The following MICALL1 variants were observed in gnomAD, a reference collection of about 807,000 sequenced individuals.
The protein encoded by MICALL1 is MICAL-like protein 1.
Under a neutral mutation model 83.7 loss-of-function variants are expected in MICALL1, and 61 were observed. The ratio of observed to expected loss-of-function variants is 0.73; its 90% CI spans 0.59 to 0.90. The LOEUF (loss-of-function observed/expected upper bound fraction) is 0.90, where lower values mean the gene tolerates loss of function less well. MICALL1 is among the 40% of genes least tolerant of loss of function. The pLI is 0.00. For missense variants in MICALL1, 1,066 were observed against 1,152.0 expected, an observed-to-expected ratio of 0.93 and a Z score of 1.08; for synonymous variants, 481 against 473.6, an observed-to-expected ratio of 1.02 and a Z score of -0.20.
intron 14 of MICALL1, 66 bp downstream of exon 14, chr22:37,937,260 G>T (rs1930182899): frequency 3.9e-6 from 5 of 1,290,060 alleles, no homozygotes; most frequent in African/African-American, 1.5e-5. Flanking sequence ...TGGGCCTCAT[G>T]GGTGGGGCAG....
At chr22:37,938,314 A>T (rs967418941) in intron 15 of MICALL1, among the ~76,000 whole-genome samples, 2 of 150,254 alleles carry the variant, frequency 1.3e-5, no homozygotes, top group Admixed American at 1.3e-4. Flanking sequence ...GGGCAGGAGA[A>T]TGGTGTGAAC....
chr22:37,920,349 G>C (rs909131150), intron 5 of MICALL1, among the ~76,000 whole-genome samples: 2 of 152,062 alleles, frequency 1.3e-5, no homozygotes, highest in South Asian at 2.1e-4. Flanking sequence ...GCCCCTGAGT[G>C]GGGGGCAGCT....
rs531552773 is a variant in MICALL1 at position 37,941,288 on chromosome 22, G to A, written c.*458G>A. 1 of 169,708 alleles carries A rather than the reference G, an allele frequency of 5.9e-6. No homozygotes were observed. The highest frequency in any genetic ancestry group is 1.5e-4 in the South Asian group (1 of 6,650). The allele number at this position is 169,708 out of a possible 1,614,324, so 10.5% of individuals were successfully genotyped here. ...GCCCCATCCCTGGCTCTGAGTCTCT[G>A]TCTTCCTGTCCTGTGCAGGCGCCCT... On this transcript the variant is annotated 3_prime_UTR_variant, in exon 16 of 16. Transcript: ENST00000215957.
At chr22:37,933,736 TG>T (rs1929931402) in intron 13 of MICALL1, among the ~76,000 whole-genome samples, 1 of 152,114 alleles carries the variant, frequency 6.6e-6, no homozygotes, top group Admixed American at 6.5e-5. Flanking sequence ...ATTCCAGAGT[TG>T]GGAGCCAAAG....
rs909377227 is a variant in MICALL1 at position 37,932,370 on chromosome 22, G to T, written c.2017-183G>T. Among the ~76,000 whole-genome samples the T allele has an allele frequency of 1.3e-5, 2 of 152,192 alleles. No individual in the cohort carries two copies. Among genetic ancestry groups the T allele is most frequent in the East Asian group, 3.9e-4 (2 of 5,186 alleles). On this transcript the variant is annotated intron_variant, in intron 10 of 15. Coordinates refer to ENST00000215957, the MANE Select transcript of MICALL1 (RefSeq NM_033386.4). The surrounding 1 kb of genome is among the most constrained non-coding windows in gnomAD (Gnocchi z 4.4). ...CTGTTGGTGCTGGGACCAGTGGCAT[G>T]CAGGGTTGTGGCTGTCCCCACACTG...
Position 37,922,019 on chromosome 22 carries a change from G to C in MICALL1, c.617G>C (p.Gly206Ala). The C allele has an allele frequency of 6.2e-7, 1 of 1,610,340 alleles. No individual in the cohort carries two copies. The highest frequency in any genetic ancestry group is 8.5e-7 in the Non-Finnish European group (1 of 1,177,902). The change falls in exon 6 of 16, where the codon GGG becomes GCG. Residue 206 changes from glycine (G) to alanine (A), a missense_variant. Physicochemically the swap from Gly to Ala is moderately conservative, Grantham distance 60. Transcript: ENST00000215957. ...STLLPGAYEN[G>A]PEEGTFVCAE... ...CTGCTCCCTGGGGCTTATGAGAATGGGCCTGAGGAGGGCACCTTTGTGTGT... is the reference window on the plus strand; with the variant it reads ...CTGCTCCCTGGGGCTTATGAGAATGCGCCTGAGGAGGGCACCTTTGTGTGT...
intron 3 of MICALL1, among the ~76,000 whole-genome samples, chr22:37,916,001 C>T (rs1601809950): frequency 6.6e-6 from 1 of 151,946 alleles, no homozygotes; most frequent in Admixed American, 6.6e-5. Context: ...AGCTGGATTC[C>T]TTAGAATCGC....
At chr22:37,920,963 C>T (rs1928997516) in intron 5 of MICALL1, among the ~76,000 whole-genome samples, 1 of 151,988 alleles carries the variant, frequency 6.6e-6, no homozygotes, top group South Asian at 2.1e-4. Context: ...TGGCACGCAC[C>T]TGTAGTCTTA....
chr22:37,911,383 G>A (rs956490288), intron 1 of MICALL1, among the ~76,000 whole-genome samples: 1 of 152,220 alleles, frequency 6.6e-6, no homozygotes, highest in Non-Finnish European at 1.5e-5. Context: ...TGGCTACTCC[G>A]AGTGTGTGAC....
chr22:37,926,129 C>G, intron 8 of MICALL1, 86 bp downstream of exon 8: 1 of 1,455,316 alleles, frequency 6.9e-7, no homozygotes, highest in Non-Finnish European at 9.1e-7. Context: ...GGGGCAGAGC[C>G]TACCAGGCCA....
At position 37,932,427 on chromosome 22, in the gene MICALL1, C is replaced by A; in HGVS notation, c.2017-126C>A. ...TCCCCACTGGGACCCTGCCTTCTTA[C>A]CATGCTGGGGTGGGGGACAGGGCCC... On this transcript the variant is annotated intron_variant, in intron 10 of 15. Transcript: ENST00000215957. The surrounding 1 kb of genome is among the most constrained non-coding windows in gnomAD (Gnocchi z 4.4). The A allele has an allele frequency of 2.1e-6, 3 of 1,456,832 alleles. No individual in the cohort carries two copies. The highest frequency in any genetic ancestry group is 2.8e-6 in the Non-Finnish European group (3 of 1,083,846). The allele number at this position is 1,456,832 out of a possible 1,614,324, so 90.2% of individuals were successfully genotyped here. A position where few individuals can be genotyped will look rare whatever the true frequency, so the allele number is the denominator to read the frequency against.
Position 37,906,880 on chromosome 22 carries a change from C to T in MICALL1, c.146+312C>T, listed in dbSNP as rs1442673745. 1 of 160,538 alleles carries T rather than the reference C, an allele frequency of 6.2e-6. No homozygotes were observed. The highest frequency in any genetic ancestry group is 1.4e-5 in the Non-Finnish European group (1 of 73,706). The allele number at this position is 160,538 out of a possible 1,614,324, so 9.9% of individuals were successfully genotyped here. On this transcript the variant is annotated intron_variant, in intron 1 of 15. Transcript: ENST00000215957. The surrounding 1 kb of genome is among the most constrained non-coding windows in gnomAD (Gnocchi z 4.4). ...CCGAGGATCGCTGAACCCCTAAGCCCTTGACCTCTTTGAAGGGGTGTTGAG... is the reference window on the plus strand; with the variant it reads ...CCGAGGATCGCTGAACCCCTAAGCCTTTGACCTCTTTGAAGGGGTGTTGAG...
At chr22:37,927,290 G>C in intron 8 of MICALL1, 121 bp from the exon 9 acceptor site, 2 of 1,189,306 alleles carry the variant, frequency 1.7e-6, no homozygotes, top group Non-Finnish European at 2.3e-6. Flanking sequence ...GCCCTGTCTC[G>C]ATGTGGAGGG....
At chr22:37,917,959 C>T (rs1245900229) in intron 4 of MICALL1, among the ~76,000 whole-genome samples, 164 bp downstream of exon 4, 3 of 152,170 alleles carry the variant, frequency 2.0e-5, no homozygotes, top group South Asian at 4.1e-4. Flanking sequence ...AACAGGTGTC[C>T]CTGACTGGGG....
rs899609211 is a variant in MICALL1 at position 37,927,318 on chromosome 22, G to T, written c.1466-93G>T. The stretch of plus-strand genomic sequence containing the variant: ...GTGGAGGGCTTGGGTTTCTGGGGCT[G>T]CCTGCGGCTCTGTTGAGAGTGGAGC... On this transcript the variant is annotated intron_variant, in intron 8 of 15. Transcript: ENST00000215957. 7.3e-6 allele frequency: 10 copies of T among 1,374,310 alleles called. No homozygotes were observed. The African/African-American group carries it at 1.5e-4, about 20-fold the overall frequency. 85.1% of individuals were successfully genotyped at this position (1,374,310 alleles called of 1,614,324 possible). A position where few individuals can be genotyped will look rare whatever the true frequency, so the allele number is the denominator to read the frequency against.
Position 37,932,059 on chromosome 22 carries a change from A to G in MICALL1, c.2016+126A>G, listed in dbSNP as rs918155311. On this transcript the variant is annotated intron_variant, in intron 10 of 15. Coordinates refer to ENST00000215957, the MANE Select transcript of MICALL1 (RefSeq NM_033386.4). The surrounding 1 kb of genome is among the most constrained non-coding windows in gnomAD (Gnocchi z 4.4). ...AGGCAGTGGGCCTCAGATGCTCAAG[A>G]GAGCACTCTTGGCGGCCCAACTGGA... is the stretch of plus-strand genomic sequence containing the variant. The G allele has an allele frequency of 1.4e-6, 2 of 1,398,342 alleles. No homozygotes were observed. The highest frequency in any genetic ancestry group is 1.9e-6 in the Non-Finnish European group (2 of 1,045,746). 86.6% of individuals were successfully genotyped at this position (1,398,342 alleles called of 1,614,324 possible). A position where few individuals can be genotyped will look rare whatever the true frequency, so the allele number is the denominator to read the frequency against.
At position 37,925,688 on chromosome 22, in the gene MICALL1, A is replaced by G. The variant is rs757582026; in HGVS notation, c.1110A>G (p.Pro370=). ...CACCAGCCCCCAGGAAGGACCCCCC[A>G]TGGATCACGCTGGTGCAGGCAGAAC... ...EGTPAPRKDP[P]WITLVQAEPK... is the part of the protein sequence containing the mutation. The change falls in exon 8 of 16, where the codon CCA becomes CCG. Residue 370 remains proline (P), a synonymous_variant. Transcript: ENST00000215957. 1.9e-6 allele frequency: 3 copies of G among 1,542,768 alleles called. No homozygotes were observed. The highest frequency in any genetic ancestry group is 2.3e-5 in the South Asian group (2 of 88,230).
intron 3 of MICALL1, among the ~76,000 whole-genome samples, chr22:37,914,980 G>A (rs1013491398): frequency 5.3e-5 from 8 of 151,362 alleles, no homozygotes; most frequent in African/African-American, 1.2e-4. Context: ...AAAAATAGCC[G>A]GGTGAAGTGG....
chr22:37,917,743 G>A lies in MICALL1; in HGVS notation c.374G>A (p.Cys125Tyr). 1 of 1,613,920 alleles carries A rather than the reference G, an allele frequency of 6.2e-7. No homozygotes were observed. The highest frequency in any genetic ancestry group is 8.5e-7 in the Non-Finnish European group (1 of 1,179,912). Residue 125 changes from cysteine (C) to tyrosine (Y), a missense_variant, in exon 4 of 16, where the codon TGT becomes TAT. Physicochemically the swap from Cys to Tyr is radical, Grantham distance 194. Transcript: ENST00000215957. ...VSPPRKGLAP[C>Y]SPPSVAPTPV... Reference sequence around the variant, plus strand: ...CCACCCAGAAAGGGCCTTGCACCCTGTTCCCCGCCGTCTGTAGCACCCACT... The same window carrying A: ...CCACCCAGAAAGGGCCTTGCACCCTATTCCCCGCCGTCTGTAGCACCCACT...
Sources: allele counts gnomAD v4.1 joint callset (sites outside exome capture counted in the v4.1 genomes callset), GRCh38; gene constraint gnomAD v4.1.1; non-coding constraint Gnocchi (gnomAD v3.1); transcripts MANE v1.5; gene names NCBI Gene and HGNC (gene_info 2026-07-23, HGNC 2026-07-21).